Variants in ANKRD31 observed in about 807,000 individuals in gnomAD.
The protein encoded by ANKRD31 is ankyrin repeat domain 31, also known as ankyrin repeat domain-containing protein 31.
A neutral mutation model predicts 186.0 loss-of-function variants in ANKRD31; 147 were observed. The observed-to-expected ratio is 0.79, with a 90% CI of 0.69 to 0.91. The LOEUF is 0.91. ANKRD31 is among the 40% of genes least tolerant of loss of function. ANKRD31 has a pLI of 0.00. For missense variants in ANKRD31, 1,986 were observed against 2,148.8 expected, an observed-to-expected ratio of 0.92 and a Z score of 1.50; for synonymous variants, 673 against 736.4, an observed-to-expected ratio of 0.91 and a Z score of 1.39.
At chr5:75,072,471 G>C (rs1449211318) in intron 25 of ANKRD31, among the ~76,000 whole-genome samples, 1 of 152,176 alleles carries the variant, frequency 6.6e-6, no homozygotes. Flanking sequence ...CCAGTACAAA[G>C]GAAGATGGAG....
chr5:75,157,731 T>C (rs1752282752), intron 11 of ANKRD31, among the ~76,000 whole-genome samples: 1 of 152,118 alleles, frequency 6.6e-6, no homozygotes, highest in Non-Finnish European at 1.5e-5. Flanking sequence ...GACCCTGTTG[T>C]CTAATGGCAT....
intron 10 of ANKRD31, among the ~76,000 whole-genome samples, chr5:75,170,732 C>T (rs1753251428): frequency 2.0e-5 from 3 of 151,754 alleles, no homozygotes; most frequent in South Asian, 4.2e-4. Flanking sequence ...AATATAAAGA[C>T]ACAGATAGGT....
chr5:75,189,416 G>A (rs1442705621), intron 9 of ANKRD31, among the ~76,000 whole-genome samples: 1 of 152,076 alleles, frequency 6.6e-6, no homozygotes, highest in Non-Finnish European at 1.5e-5. Context: ...TAGCTATCCT[G>A]CCCCATCCTA....
At chr5:75,100,514 A>G (rs1746755394) in intron 22 of ANKRD31, among the ~76,000 whole-genome samples, 1 of 152,134 alleles carries the variant, frequency 6.6e-6, no homozygotes, top group Non-Finnish European at 1.5e-5. Flanking sequence ...TCTAATGTTG[A>G]CAGTGGGGTG....
intron 10 of ANKRD31, among the ~76,000 whole-genome samples, chr5:75,170,333 A>G (rs1753225331): frequency 6.6e-6 from 1 of 152,200 alleles, no homozygotes. Context: ...AGAAAGAAAC[A>G]AAATACAGAT....
chr5:75,234,472 G>C (rs1314896829), intron 1 of ANKRD31, among the ~76,000 whole-genome samples: 1 of 152,218 alleles, frequency 6.6e-6, no homozygotes, highest in Non-Finnish European at 1.5e-5. Flanking sequence ...AGGCTTCAGT[G>C]AGCTATGACT....
Position 75,236,687 on chromosome 5 carries a change from C to CT in ANKRD31, c.-2dup. ...CTGGGGCCTGGACGCCTTCCTCCAT[C>CT]TTTGCCTCACATTCAAAGTCTTTTT... On this transcript the variant is annotated 5_prime_UTR_variant, in exon 1 of 26. Transcript: ENST00000506364. The CT allele has an allele frequency of 1.3e-6, 2 of 1,536,106 alleles. No individual in the cohort carries two copies. Among genetic ancestry groups the CT allele is most frequent in the Non-Finnish European group, 1.7e-6 (2 of 1,146,196 alleles).
At chr5:75,218,808 G>A (rs1757121175) in intron 3 of ANKRD31, among the ~76,000 whole-genome samples, 1 of 152,114 alleles carries the variant, frequency 6.6e-6, no homozygotes, top group Non-Finnish European at 1.5e-5. Flanking sequence ...ATCAATAAAT[G>A]TGATTCATCA....
At chr5:75,231,226 T>C (rs1375118747) in intron 1 of ANKRD31, among the ~76,000 whole-genome samples, 1 of 151,590 alleles carries the variant, frequency 6.6e-6, no homozygotes, top group Non-Finnish European at 1.5e-5. Flanking sequence ...TGCACCACCA[T>C]GCCTGGCTAT....
chr5:75,204,258 C>G (rs894389536), intron 5 of ANKRD31, among the ~76,000 whole-genome samples: 2 of 152,018 alleles, frequency 1.3e-5, no homozygotes, highest in African/African-American at 4.8e-5. Context: ...TATACTTGTT[C>G]TTATACCTTT....
At chr5:75,081,006 A>T (rs1745039661) in intron 24 of ANKRD31, among the ~76,000 whole-genome samples, 1 of 152,180 alleles carries the variant, frequency 6.6e-6, no homozygotes, top group African/African-American at 2.4e-5. Flanking sequence ...AGAGGGAGAA[A>T]GATTCTCTCC....
At chr5:75,132,361 T>C (rs906776439) in intron 17 of ANKRD31, among the ~76,000 whole-genome samples, 11 of 152,160 alleles carry the variant, frequency 7.2e-5, no homozygotes, top group East Asian at 1.9e-4. Flanking sequence ...ACGAGAATTA[T>C]GTGACGCATG....
At chr5:75,183,777 A>C (rs1754495579) in intron 10 of ANKRD31, among the ~76,000 whole-genome samples, 1 of 152,174 alleles carries the variant, frequency 6.6e-6, no homozygotes, top group South Asian at 2.1e-4. Context: ...ATATAAATAT[A>C]AGTGTATCCC....
chr5:75,097,277 C>T (rs1278665395), intron 22 of ANKRD31, among the ~76,000 whole-genome samples: 2 of 152,210 alleles, frequency 1.3e-5, no homozygotes, highest in Admixed American at 6.5e-5. Flanking sequence ...GTGCCACCAA[C>T]AGTGTAAAGG....
At chr5:75,166,853 G>A (rs550083865) in intron 11 of ANKRD31, among the ~76,000 whole-genome samples, 2 of 152,192 alleles carry the variant, frequency 1.3e-5, no homozygotes, top group South Asian at 4.1e-4. Flanking sequence ...ACAACATTGA[G>A]CTGATCATTT....
At chr5:75,204,563 G>T (rs775032975) in intron 5 of ANKRD31, among the ~76,000 whole-genome samples, 1 of 152,164 alleles carries the variant, frequency 6.6e-6, no homozygotes, top group African/African-American at 2.4e-5. Context: ...CTGCCATTTA[G>T]TATCTTATCA....
chr5:75,236,515 C>A, intron 1 of ANKRD31, 68 bp downstream of exon 1: 1 of 1,327,360 alleles, frequency 7.5e-7, no homozygotes, highest in Non-Finnish European at 1.0e-6. Flanking sequence ...AAAACTCTGA[C>A]CCCCTCAGAG....
At chr5:75,131,063 C>T (rs1749761023) in intron 17 of ANKRD31, among the ~76,000 whole-genome samples, 1 of 150,010 alleles carries the variant, frequency 6.7e-6, no homozygotes, top group African/African-American at 2.5e-5. Flanking sequence ...TACTGGCTGG[C>T]TGTGCCAAGT....
At chr5:75,115,569 A>G (rs1580354535) in intron 19 of ANKRD31, among the ~76,000 whole-genome samples, 1 of 151,712 alleles carries the variant, frequency 6.6e-6, no homozygotes, top group South Asian at 2.1e-4. Context: ...CAAGAAAAAA[A>G]CAAACAACCC....
Sources: allele counts gnomAD v4.1 joint callset (sites outside exome capture counted in the v4.1 genomes callset), GRCh38; gene constraint gnomAD v4.1.1; transcripts MANE v1.5; gene names NCBI Gene and HGNC (gene_info 2026-07-23, HGNC 2026-07-21).